The following CXADR variants were observed in gnomAD, a reference collection of about 807,000 sequenced individuals.
The protein encoded by CXADR is CXADR cell adhesion molecule.
CXADR carries 20 observed loss-of-function variants against 40.3 expected under a neutral mutation model. The observed-to-expected ratio is 0.50, with a 90% CI of 0.35 to 0.72. The LOEUF is 0.72. Ranked by LOEUF, CXADR falls within the 30% of genes least tolerant of loss-of-function variation. The pLI is 0.01. For missense variants in CXADR, 332 were observed against 449.1 expected (o/e 0.74, Z 2.36); for synonymous variants, 150 against 161.3 (o/e 0.93, Z 0.53).
intron 2 of CXADR, among the ~76,000 whole-genome samples, chr21:17,550,943 G>C (rs2060959347): frequency 6.6e-6 from 1 of 152,170 alleles, no homozygotes; most frequent in Non-Finnish European, 1.5e-5. Flanking sequence ...GAGCCCTCAA[G>C]TAACTCCAAC....
the CXADR span, among the ~76,000 whole-genome samples, chr21:17,629,567 C>G: frequency 6.6e-6 from 1 of 151,412 alleles, no homozygotes; most frequent in African/African-American, 2.4e-5. Context: ...CTGTCTCAAA[C>G]AAAACAAAAC....
chr21:17,601,137 T>C, the CXADR span, among the ~76,000 whole-genome samples: 4 of 150,318 alleles, frequency 2.7e-5, no homozygotes, highest in South Asian at 8.5e-4. Flanking sequence ...CACTCCAGCC[T>C]GGGCGACAGA....
chr21:17,560,664 A>T (rs747899471), intron 4 of CXADR, 38 bp from the exon 5 acceptor site: 1 of 1,588,628 alleles, frequency 6.3e-7, no homozygotes, highest in Non-Finnish European at 8.6e-7. Context: ...AATACATACT[A>T]TAAAAATGAG....
In CXADR at chr21:17,565,680, G is replaced by T. The variant is rs1478728877; in HGVS notation, c.1086G>T (p.Gly362=). ...TGATTCCAGCACAGAGCAAGGATGG[G>T]TCTATAGTATAGAGCCTCCATATGT... ...PVMIPAQSKD[G]SIV is the part of the protein sequence containing the mutation. Residue 362 remains glycine (G), a synonymous_variant, in exon 7 of 7, where the codon GGG becomes GGT. Transcript: ENST00000284878. 3 of 1,611,904 alleles carry T rather than the reference G, an allele frequency of 1.9e-6. No individual in the cohort carries two copies. The highest frequency in any genetic ancestry group is 2.5e-6 in the Non-Finnish European group (3 of 1,179,796).
downstream of CXADR, among the ~76,000 whole-genome samples, chr21:17,572,774 C>T (rs2061289579): frequency 6.6e-6 from 1 of 151,690 alleles, no homozygotes; most frequent in Admixed American, 6.6e-5. Context: ...AAAATACCTG[C>T]TTAAAATTTG....
chr21:17,547,204 T>C lies in CXADR; in HGVS notation c.210+11T>C, dbSNP rs1159531368. ...AAGGTGGATCAAGTGGTAAGTTTGA[T>C]ATGTCCTTGCTCGCTTAGCAGCTGT... is the stretch of plus-strand genomic sequence containing the variant. On this transcript the variant is annotated intron_variant, in intron 2 of 6. Coordinates refer to ENST00000284878, the MANE Select transcript of CXADR (RefSeq NM_001338.5). The C allele has an allele frequency of 6.2e-7, 1 of 1,613,998 alleles. No individual in the cohort carries two copies. The highest frequency in any genetic ancestry group is 8.5e-7 in the Non-Finnish European group (1 of 1,180,018).
chr21:17,590,205 GGAA>G, intron 7 of CXADR, among the ~76,000 whole-genome samples: 1 of 145,502 alleles, frequency 6.9e-6, no homozygotes, highest in East Asian at 2.0e-4. Flanking sequence ...TAACTTTTAT[GGAA>G]GAAATTTTTG....
At chr21:17,525,369 A>G (rs559877504) in intron 1 of CXADR, among the ~76,000 whole-genome samples, 9 of 152,210 alleles carry the variant, frequency 5.9e-5, no homozygotes, top group African/African-American at 1.9e-4. Flanking sequence ...TGTGTGTTCT[A>G]TGTGAGTTTT....
At chr21:17,534,769 T>G (rs1250399292) in intron 1 of CXADR, among the ~76,000 whole-genome samples, 1 of 150,016 alleles carries the variant, frequency 6.7e-6, no homozygotes, top group Non-Finnish European at 1.5e-5. Flanking sequence ...AGTTCCTGAT[T>G]TGTCTAACTT....
downstream of CXADR, chr21:17,594,022 T>C: frequency 1.3e-6 from 2 of 1,520,910 alleles, no homozygotes; most frequent in Non-Finnish European, 1.8e-6. Context: ...TAAGAACTTT[T>C]AACTTTTAAT....
At chr21:17,625,048 C>T in the CXADR span, among the ~76,000 whole-genome samples, 1 of 152,052 alleles carries the variant, frequency 6.6e-6, no homozygotes, top group Non-Finnish European at 1.5e-5. Flanking sequence ...CCTTTGGGAG[C>T]AGAAACTTTG....
chr21:17,585,183 C>G (rs1323164035), intron 7 of CXADR, among the ~76,000 whole-genome samples: 2 of 152,026 alleles, frequency 1.3e-5, no homozygotes, highest in Non-Finnish European at 2.9e-5. Flanking sequence ...AATGAATACT[C>G]CTGACCAACA....
In CXADR at chr21:17,577,612, C is replaced by CTTTTTTTTTTTTTTTTTTTTTT. The variant is rs532541050; in HGVS notation, c.1017+12008_1017+12029dup. Among the ~76,000 whole-genome samples the CTTTTTTTTTTTTTTTTTTTTTT allele has an allele frequency of 1.6e-4, 6 of 36,576 alleles. 1 individual carries two copies. Among genetic ancestry groups the CTTTTTTTTTTTTTTTTTTTTTT allele is most frequent in the Non-Finnish European group, 2.6e-4 (5 of 18,912 alleles). The allele number at this position is 36,576 out of a possible 152,430, so 24.0% of individuals were successfully genotyped here. A position where few individuals can be genotyped will look rare whatever the true frequency, so the allele number is the denominator to read the frequency against. On this transcript the variant is annotated intron_variant, in intron 7 of 7. Transcript: ENST00000400169. ...CTCACACGTCAGACCATTCTGCAAG[C>CTTTTTTTTTTTTTTTTTTTTTT]TTTTTTTTTTTTTTTTTTTTTTTTT...
At chr21:17,556,840 AAG>A (rs1235801588) in intron 3 of CXADR, among the ~76,000 whole-genome samples, 6 of 152,210 alleles carry the variant, frequency 3.9e-5, no homozygotes, top group Non-Finnish European at 8.8e-5. Flanking sequence ...GTTACTAAGA[AAG>A]AGTAAGGTCA....
At chr21:17,557,300 C>T (rs2061048991) in intron 3 of CXADR, among the ~76,000 whole-genome samples, 1 of 152,172 alleles carries the variant, frequency 6.6e-6, no homozygotes, top group African/African-American at 2.4e-5. Context: ...CATTTCTCTA[C>T]CCATCCTTTA....
downstream of CXADR, chr21:17,593,828 T>C (rs867242330): frequency 2.5e-6 from 1 of 403,478 alleles, no homozygotes; most frequent in South Asian, 4.0e-5. Context: ...TCCAACAGAG[T>C]TGATGCACAA....
intron 3 of CXADR, among the ~76,000 whole-genome samples, chr21:17,555,934 T>G (rs1043320111): frequency 2.0e-5 from 3 of 152,216 alleles, no homozygotes; most frequent in African/African-American, 7.2e-5. Context: ...CCCTGTCTCA[T>G]GTAGGGATTT....
intron 1 of CXADR, among the ~76,000 whole-genome samples, chr21:17,534,048 A>C (rs1282121464): frequency 3.6e-5 from 5 of 137,438 alleles, no homozygotes; most frequent in South Asian, 4.5e-4. Flanking sequence ...ATATATATAC[A>C]CATATATATA....
At chr21:17,518,912 GT>G in intron 1 of CXADR, 1 of 1,587,318 alleles carries the variant, frequency 6.3e-7, no homozygotes, top group East Asian at 2.2e-5. Flanking sequence ...GCTGTTTTAT[GT>G]ACCACCTTCT....
Sources: gnomAD v4.1 joint callset for allele counts (sites outside exome capture counted in the v4.1 genomes callset) on GRCh38, gnomAD v4.1.1 for gene constraint, MANE v1.5 for transcripts, NCBI Gene and HGNC (gene_info 2026-07-23, HGNC 2026-07-21) for gene names.